The following USH2A variants were observed in gnomAD, a reference collection of about 807,000 sequenced individuals.
The protein encoded by USH2A is Usher syndrome 2A (autosomal recessive, mild).
Under a neutral mutation model 538.9 loss-of-function variants are expected in USH2A, and 443 were observed. That is an observed-to-expected ratio of 0.82 (90% CI 0.76 to 0.89). USH2A has a LOEUF of 0.89. Among genes scored for constraint, USH2A ranks in the 40% least tolerant of loss-of-function variants. The probability of loss-of-function intolerance (pLI) is 0.00; values close to 1 mark genes in which losing one functional copy is unlikely to be tolerated. For synonymous variants in USH2A, 2,413 were observed against 2,273.5 expected, an observed-to-expected ratio of 1.06 and a Z score of -1.75; for missense variants, 6,633 against 6,324.8, an observed-to-expected ratio of 1.05 and a Z score of -1.65.
chr1:215,720,303 G>A (rs562729826), intron 61 of USH2A, among the ~76,000 whole-genome samples: 4 of 152,314 alleles, frequency 2.6e-5, no homozygotes, highest in African/African-American at 9.6e-5. Context: ...TCCAAGAGAA[G>A]CTCTTGAAGA....
chr1:215,701,161 T>C (rs2102689787), intron 61 of USH2A, among the ~76,000 whole-genome samples: 1 of 152,326 alleles, frequency 6.6e-6, no homozygotes, highest in South Asian at 2.1e-4. Context: ...GATTGCACTG[T>C]GTTCTGAGAG....
intron 35 of USH2A, among the ~76,000 whole-genome samples, chr1:215,990,448 G>C (rs150226408): frequency 6.6e-6 from 1 of 152,090 alleles, no homozygotes; most frequent in African/African-American, 2.4e-5. Context: ...ATATTATTGC[G>C]TACCAATAAA....
chr1:216,355,375 G>GAAAGAAAGAAAGAAAGAAAGAAAGAAAGA (rs748251919), intron 4 of USH2A, among the ~76,000 whole-genome samples: 1 of 133,850 alleles, frequency 7.5e-6, no homozygotes, highest in African/African-American at 2.7e-5. Context: ...AAGAAAGAAA[G>GAAAGAAAGAAAGAAAGAAAGAAAGAAAGA]AAGGAAAGAA....
chr1:216,115,101 ATATT>A (rs951143330), intron 21 of USH2A, among the ~76,000 whole-genome samples: 12 of 137,802 alleles, frequency 8.7e-5, no homozygotes, highest in Middle Eastern at 3.6e-3. Flanking sequence ...ACATACCAAG[ATATT>A]TATTTATTTT....
In USH2A at chr1:215,997,639, A is replaced by T. The variant is rs372325545; in HGVS notation, c.6657+1248T>A. Among the ~76,000 whole-genome samples, 33 of 152,234 alleles carry T rather than the reference A, an allele frequency of 2.2e-4. No homozygotes were observed. The East Asian group carries it at 5.8e-3, about 27-fold the overall frequency. On this transcript the variant is annotated intron_variant, in intron 34 of 71. Coordinates refer to ENST00000307340, the MANE Select transcript of USH2A (RefSeq NM_206933.4). ...CACAGCACATCCTAAAAACGGCCCT[A>T]GGAAGAGAATCTGTTCTATGTCATT...
chr1:216,349,410 G>T (rs555382543), intron 4 of USH2A, among the ~76,000 whole-genome samples: 1 of 152,216 alleles, frequency 6.6e-6, no homozygotes, highest in Non-Finnish European at 1.5e-5. Context: ...AGGCCTACTG[G>T]GCTGCATTCT....
At chr1:215,879,948 C>T (rs1237302165) in intron 41 of USH2A, among the ~76,000 whole-genome samples, 1 of 152,154 alleles carries the variant, frequency 6.6e-6, no homozygotes, top group Non-Finnish European at 1.5e-5. Flanking sequence ...CCTTCTAGTG[C>T]TCTTTATATA....
At chr1:215,717,189 CT>C (rs1247874093) in intron 61 of USH2A, among the ~76,000 whole-genome samples, 1 of 152,090 alleles carries the variant, frequency 6.6e-6, no homozygotes, top group Non-Finnish European at 1.5e-5. Context: ...AAGTAGAAAC[CT>C]GTTTTGTCCC....
chr1:215,883,437 T>C (rs1556940), intron 41 of USH2A, among the ~76,000 whole-genome samples: 13,426 of 152,058 alleles, frequency 0.088, 677 homozygotes, highest in African/African-American at 0.13. Context: ...CTATCTTTTT[T>C]TTTTAAGCTA....
chr1:216,011,971 A>ATTTTTTTT (rs36126185), intron 32 of USH2A, among the ~76,000 whole-genome samples: 1 of 28,488 alleles, frequency 3.5e-5, no homozygotes, highest in Non-Finnish European at 6.1e-5. Context: ...ATCACGCTTG[A>ATTTTTTTT]TTTTTTTTTT....
At chr1:215,951,891 T>G (rs1376590847) in intron 37 of USH2A, among the ~76,000 whole-genome samples, 1 of 151,636 alleles carries the variant, frequency 6.6e-6, no homozygotes, top group Non-Finnish European at 1.5e-5. Flanking sequence ...GGAGTCTTGC[T>G]CTGTCGCCCA....
chr1:215,971,065 A>G (rs1011160821), intron 35 of USH2A, among the ~76,000 whole-genome samples: 1 of 152,186 alleles, frequency 6.6e-6, no homozygotes, highest in Non-Finnish European at 1.5e-5. Context: ...TGTGTTCCAG[A>G]TCAAAAATTA....
chr1:216,317,675 C>CA (rs2037534143), intron 9 of USH2A, among the ~76,000 whole-genome samples: 2 of 151,158 alleles, frequency 1.3e-5, no homozygotes, highest in African/African-American at 4.9e-5. Context: ...AGGTGAAACC[C>CA]ATCTCTACAA....
At chr1:216,140,123 G>A (rs1334038057) in intron 21 of USH2A, among the ~76,000 whole-genome samples, 2 of 151,910 alleles carry the variant, frequency 1.3e-5, no homozygotes. Context: ...TTCTTAATAT[G>A]AGGTTTGAAG....
rs544023649 is a variant in USH2A at position 216,284,466 on chromosome 1, T to C, written c.1971+4814A>G. 2.2e-4 allele frequency among the ~76,000 whole-genome samples: 33 copies of C among 152,356 alleles called. 1 individual carries two copies. The highest frequency in any genetic ancestry group is 1.9e-3 in the South Asian group (9 of 4,834). The stretch of plus-strand genomic sequence containing the variant: ...CCTTCTGCCATGATTGTAAGTTTAC[T>C]GAGGCCTCCCCCGCCCTGAGGAACT... On this transcript the variant is annotated intron_variant, in intron 11 of 71. Transcript: ENST00000307340.
intron 21 of USH2A, among the ~76,000 whole-genome samples, chr1:216,100,848 C>G (rs180950468): frequency 3.4e-4 from 52 of 152,162 alleles, no homozygotes; most frequent in Admixed American, 1.2e-3. Context: ...TATGCAAGTT[C>G]GTGTGTTTTT....
chr1:215,779,822 C>A, intron 55 of USH2A, 21 bp downstream of exon 55: 3 of 1,612,402 alleles, frequency 1.9e-6, no homozygotes, highest in Non-Finnish European at 2.5e-6. Context: ...AGTAGGATTT[C>A]CTTTTTTTTT....
chr1:216,231,939 T>C lies in USH2A; in HGVS notation c.2993+14A>G, dbSNP rs757456631. 6.2e-7 allele frequency: 1 copy of C among 1,613,922 alleles called. No individual in the cohort carries two copies. Among genetic ancestry groups the C allele is most frequent in the South Asian group, 1.1e-5 (1 of 91,078 alleles). Reference sequence around the variant, plus strand: ...AAAGAAAGAGTTAAATTATTAAAGCTTATAAAGATGTACCTTCCAGTCTGA... The same window carrying C: ...AAAGAAAGAGTTAAATTATTAAAGCCTATAAAGATGTACCTTCCAGTCTGA... On this transcript the variant is annotated intron_variant, in intron 14 of 71. Coordinates refer to ENST00000307340, the MANE Select transcript of USH2A (RefSeq NM_206933.4).
At position 216,316,554 on chromosome 1, in the gene USH2A, T is replaced by C. The variant is rs75663962; in HGVS notation, c.1644+5329A>G. Among the ~76,000 whole-genome samples the C allele has an allele frequency of 5.5e-3, 843 of 152,276 alleles. 9 individuals carry two copies. Among genetic ancestry groups the C allele is most frequent in the Admixed American group, 0.022 (329 of 15,292 alleles). On this transcript the variant is annotated intron_variant, in intron 9 of 71. Coordinates refer to ENST00000307340, the MANE Select transcript of USH2A (RefSeq NM_206933.4). ...AAGAGTGATACTGTTGTAAATGTGGTAAATGTCACCCTGAATCAGTGAGTT... is the reference window on the plus strand; with the variant it reads ...AAGAGTGATACTGTTGTAAATGTGGCAAATGTCACCCTGAATCAGTGAGTT...
Sources: gnomAD v4.1 joint callset for allele counts (sites outside exome capture counted in the v4.1 genomes callset) on GRCh38, gnomAD v4.1.1 for gene constraint, MANE v1.5 for transcripts, NCBI Gene and HGNC (gene_info 2026-07-23, HGNC 2026-07-21) for gene names.